The following NUDT3 variants were observed in gnomAD, a reference collection of about 807,000 sequenced individuals.
The protein encoded by NUDT3 is diphosphoinositol polyphosphate phosphohydrolase 1.
NUDT3 carries 9 observed loss-of-function variants against 23.6 expected under a neutral mutation model. The ratio of observed to expected loss-of-function variants is 0.38; its 90% CI spans 0.23 to 0.66. The LOEUF (loss-of-function observed/expected upper bound fraction) is 0.66. Ranked by LOEUF, NUDT3 falls within the 30% of genes least tolerant of loss-of-function variation. NUDT3 has a pLI of 0.52. For missense variants in NUDT3, 172 were observed against 218.5 expected (o/e 0.79, Z 1.34); for synonymous variants, 86 against 82.6 (o/e 1.04, Z -0.22).
At chr6:34,379,845 T>A (rs1358644020) in intron 1 of NUDT3, among the ~76,000 whole-genome samples, 1 of 151,522 alleles carries the variant, frequency 6.6e-6, no homozygotes, top group Non-Finnish European at 1.5e-5. Flanking sequence ...TGAAACCCCA[T>A]CTCTACTAAA....
intron 1 of NUDT3, among the ~76,000 whole-genome samples, chr6:34,384,859 C>T (rs546677017): frequency 6.6e-5 from 10 of 150,996 alleles, no homozygotes; most frequent in African/African-American, 2.4e-4. Flanking sequence ...TAGTGAGACC[C>T]TGTCTCCACA....
chr6:34,367,318 C>T (rs1561920550), intron 1 of NUDT3, among the ~76,000 whole-genome samples: 3 of 151,908 alleles, frequency 2.0e-5, no homozygotes, highest in Non-Finnish European at 2.9e-5. Context: ...CCCGTCCCTA[C>T]AATTAACACA....
intron 2 of NUDT3, among the ~76,000 whole-genome samples, chr6:34,341,136 A>G (rs533293190): frequency 2.2e-4 from 33 of 152,360 alleles, no homozygotes; most frequent in African/African-American, 7.0e-4. Context: ...TATGAGTCCT[A>G]AATGAGATAA....
At position 34,297,759 on chromosome 6, in the gene NUDT3, A is replaced by ATAT. The variant is rs60517827; in HGVS notation, c.211-2075_211-2074insATA. 1.6e-3 allele frequency among the ~76,000 whole-genome samples: 113 copies of ATAT among 71,018 alleles called. 2 individuals are homozygous for ATAT. The highest frequency in any genetic ancestry group is 5.8e-3 in the African/African-American group (87 of 15,102). 46.6% of individuals were successfully genotyped at this position (71,018 alleles called of 152,430 possible). A position where few individuals can be genotyped will look rare whatever the true frequency, so the allele number is the denominator to read the frequency against. Reference sequence around the variant, plus strand: ...TATATATATATATATATATATATATAATTTTTTTTTTTTTTTTAGTAGAGA... The same window carrying ATAT: ...TATATATATATATATATATATATATATATATTTTTTTTTTTTTTTTAGTAGAGA... On this transcript the variant is annotated intron_variant, in intron 2 of 4. Coordinates refer to ENST00000607016, the MANE Select transcript of NUDT3 (RefSeq NM_006703.4).
Position 34,297,006 on chromosome 6 carries a change from A to G in NUDT3, c.211-1321T>C, listed in dbSNP as rs370578753. Among the ~76,000 whole-genome samples, 381 of 147,072 alleles carry G rather than the reference A, an allele frequency of 2.6e-3. 3 individuals are homozygous for G. Among genetic ancestry groups the G allele is most frequent in the African/African-American group, 8.7e-3 (342 of 39,492 alleles). On this transcript the variant is annotated intron_variant, in intron 2 of 4. Transcript: ENST00000607016. ...GAGTGCAGTGGTGTGATTTTGGCTCACTGCAACATCCATCTCCCGGGTTCA... is the reference window on the plus strand; with the variant it reads ...GAGTGCAGTGGTGTGATTTTGGCTCGCTGCAACATCCATCTCCCGGGTTCA...
In NUDT3 at chr6:34,281,266, T is replaced by C. The variant is rs1410723703; in HGVS notation, c.*7487A>G. On this transcript the variant is annotated 3_prime_UTR_variant, in exon 5 of 5. Coordinates refer to ENST00000607016, the MANE Select transcript of NUDT3 (RefSeq NM_006703.4). ...CCTCCTCAGAGCCCATCCCTGACCA[T>C]GTCATTGGATAGGATGGAAGACAAA... 1 of 152,170 alleles carries C rather than the reference T, an allele frequency of 6.6e-6. No homozygotes were observed. The highest frequency in any genetic ancestry group is 6.5e-5 in the Admixed American group (1 of 15,272). The allele number at this position is 152,170 out of a possible 1,614,324, so 9.4% of individuals were successfully genotyped here.
intron 1 of NUDT3, among the ~76,000 whole-genome samples, chr6:34,368,713 A>C (rs1244977323): frequency 1.3e-5 from 2 of 152,138 alleles, no homozygotes; most frequent in African/African-American, 4.8e-5. Context: ...CTCTCAGTTC[A>C]CTGCAAACTC....
At chr6:34,341,694 G>C (rs1374895877) in intron 2 of NUDT3, among the ~76,000 whole-genome samples, 168 bp downstream of exon 2, 1 of 152,234 alleles carries the variant, frequency 6.6e-6, no homozygotes, top group Admixed American at 6.5e-5. Flanking sequence ...ACATTACCAT[G>C]TCACAACTCC....
rs781025927 is a variant in NUDT3, at chr6:34,293,551, A to T, written c.256-16T>A. 4 of 1,614,010 alleles carry T rather than the reference A, an allele frequency of 2.5e-6. No homozygotes were observed. The highest frequency in any genetic ancestry group is 3.4e-6 in the Non-Finnish European group (4 of 1,179,928). ...TCTCCTGGTTCTGAAGGGCAAAGAG[A>T]GAAGGATAGAGAGAGTTTTTCCTTA... On this transcript the variant is annotated splice_polypyrimidine_tract_variant and intron_variant, in intron 3 of 4. Transcript: ENST00000607016.
At chr6:34,344,630 G>A (rs1195902998) in intron 1 of NUDT3, among the ~76,000 whole-genome samples, 1 of 152,160 alleles carries the variant, frequency 6.6e-6, no homozygotes, top group African/African-American at 2.4e-5. Flanking sequence ...GATATGAAAT[G>A]GTGATTGCCA....
Position 34,288,430 on chromosome 6 carries a change from A to C in NUDT3, c.*323T>G. 4.2e-6 allele frequency: 1 copy of C among 238,840 alleles called. No individual in the cohort carries two copies. The highest frequency in any genetic ancestry group is 2.3e-5 in the African/African-American group (1 of 44,408). The allele number at this position is 238,840 out of a possible 1,614,324, so 14.8% of individuals were successfully genotyped here. ...TCTGGCCAGGGCCAGGATAAGACAA[A>C]CAGGAACACTTCAGAATCCAAGGCA... is the stretch of plus-strand genomic sequence containing the variant. On this transcript the variant is annotated 3_prime_UTR_variant, in exon 5 of 5. Coordinates refer to ENST00000607016, the MANE Select transcript of NUDT3 (RefSeq NM_006703.4).
intron 2 of NUDT3, among the ~76,000 whole-genome samples, chr6:34,311,837 C>T (rs545059057): frequency 2.5e-4 from 38 of 152,244 alleles, no homozygotes; most frequent in South Asian, 6.2e-4. Flanking sequence ...GTCTTTTCTA[C>T]ATATGATGCT....
At chr6:34,363,590 C>T (rs1438138538) in intron 1 of NUDT3, among the ~76,000 whole-genome samples, 1 of 152,106 alleles carries the variant, frequency 6.6e-6, no homozygotes, top group Admixed American at 6.6e-5. Context: ...ATGTATTAAG[C>T]ATGGGCTAGG....
At chr6:34,294,707 CAG>C (rs1222632631) in intron 3 of NUDT3, among the ~76,000 whole-genome samples, 1 of 148,734 alleles carries the variant, frequency 6.7e-6, no homozygotes, top group Non-Finnish European at 1.5e-5. Context: ...GCCTGGGTGA[CAG>C]AGCAAGACTC....
At position 34,373,329 on chromosome 6, in the gene NUDT3, T is replaced by C. The variant is rs913797888; in HGVS notation, c.99+18935A>G. 6.6e-5 allele frequency among the ~76,000 whole-genome samples: 10 copies of C among 151,560 alleles called. 1 individual carries two copies. Among genetic ancestry groups the C allele is most frequent in the African/African-American group, 2.4e-4 (10 of 41,258 alleles). ...AATTCAAATTAGGATAAATTGCATA[T>C]TATATGTGAATTTAATGTTATAAAA... On this transcript the variant is annotated intron_variant, in intron 1 of 4. Coordinates refer to ENST00000607016, the MANE Select transcript of NUDT3 (RefSeq NM_006703.4).
intron 1 of NUDT3, among the ~76,000 whole-genome samples, chr6:34,380,894 A>G (rs1346615346): frequency 1.3e-5 from 2 of 152,168 alleles, no homozygotes; most frequent in Non-Finnish European, 2.9e-5. Context: ...TATTCGACCA[A>G]GCTGTTCAGG....
intron 1 of NUDT3, among the ~76,000 whole-genome samples, chr6:34,379,976 C>T (rs1306010088): frequency 1.3e-5 from 2 of 151,618 alleles, no homozygotes; most frequent in Admixed American, 6.6e-5. Context: ...CATTACACTC[C>T]AGCATGGACA....
At chr6:34,363,930 G>A (rs887056888) in intron 1 of NUDT3, among the ~76,000 whole-genome samples, 9 of 151,776 alleles carry the variant, frequency 5.9e-5, no homozygotes, top group Admixed American at 3.3e-4. Flanking sequence ...CCACCACCAC[G>A]CCCAGCTAAT....
At chr6:34,342,289 C>CAAAAAAAAA (rs200954440) in intron 1 of NUDT3, among the ~76,000 whole-genome samples, 34 of 66,484 alleles carry the variant, frequency 5.1e-4, no homozygotes, top group African/African-American at 1.4e-3. Context: ...TAGAAGACTT[C>CAAAAAAAAA]AAAAAAAAAA....
Sources: gnomAD v4.1 joint callset for allele counts (sites outside exome capture counted in the v4.1 genomes callset) on GRCh38, gnomAD v4.1.1 for gene constraint, MANE v1.5 for transcripts, NCBI Gene and HGNC (gene_info 2026-07-23, HGNC 2026-07-21) for gene names.